The following DACH1 variants were observed in gnomAD, a reference collection of about 807,000 sequenced individuals.
DACH1 encodes the protein dachshund homolog 1.
A neutral mutation model predicts 54.2 loss-of-function variants in DACH1; 12 were observed. The ratio of observed to expected loss-of-function variants is 0.22; its 90% CI spans 0.14 to 0.36. The LOEUF (loss-of-function observed/expected upper bound fraction) is 0.36. Among genes scored for constraint, DACH1 ranks in the 10% least tolerant of loss-of-function variants. The pLI is 1.00. For missense variants in DACH1, 805 were observed against 929.8 expected, an observed-to-expected ratio of 0.87 and a Z score of 1.75; for synonymous variants, 386 against 366.2, an observed-to-expected ratio of 1.05 and a Z score of -0.62.
In DACH1 at chr13:71,533,750, AGT is replaced by A. The variant is rs555741738; in HGVS notation, c.1570+23272_1570+23273del. 5.2e-3 allele frequency among the ~76,000 whole-genome samples: 774 copies of A among 149,734 alleles called. 9 individuals carry two copies. Among genetic ancestry groups the A allele is most frequent in the African/African-American group, 0.019 (748 of 40,028 alleles). The stretch of plus-strand genomic sequence containing the variant: ...CTGTCTCATTCTCTCTCTCTCTCTG[AGT>A]GTGTGTCACACACACAAACACACAC... On this transcript the variant is annotated intron_variant, in intron 6 of 10. Transcript: ENST00000613252.
chr13:71,645,288 G>T (rs977718890), intron 2 of DACH1, among the ~76,000 whole-genome samples: 17 of 152,242 alleles, frequency 1.1e-4, no homozygotes, highest in African/African-American at 3.9e-4. Context: ...AAAAGGTGAA[G>T]AAAAATGCAG....
intron 2 of DACH1, among the ~76,000 whole-genome samples, chr13:71,654,695 A>G (rs1878968509): frequency 6.6e-6 from 1 of 152,086 alleles, no homozygotes; most frequent in Non-Finnish European, 1.5e-5. Flanking sequence ...TAAGCATTAC[A>G]GTTCACAAAC....
At chr13:71,699,592 A>G (rs1198868650) in intron 1 of DACH1, among the ~76,000 whole-genome samples, 2 of 152,190 alleles carry the variant, frequency 1.3e-5, no homozygotes, top group African/African-American at 2.4e-5. Flanking sequence ...GTAGTTTATG[A>G]ACAAAACCTT....
At chr13:71,467,592 T>G (rs1876704807) in intron 10 of DACH1, among the ~76,000 whole-genome samples, 1 of 151,914 alleles carries the variant, frequency 6.6e-6, no homozygotes, top group African/African-American at 2.4e-5. Context: ...TTTATGGGTA[T>G]CGCTAAAACT....
intron 3 of DACH1, among the ~76,000 whole-genome samples, chr13:71,623,062 T>C (rs1876362724): frequency 6.6e-6 from 1 of 151,794 alleles, no homozygotes; most frequent in African/African-American, 2.4e-5. Flanking sequence ...AACTAGTACA[T>C]GTTATAAATC....
chr13:71,619,995 G>A (rs1876101321), intron 3 of DACH1, among the ~76,000 whole-genome samples: 1 of 151,886 alleles, frequency 6.6e-6, no homozygotes, highest in African/African-American at 2.4e-5. Flanking sequence ...GTGCCTGTGT[G>A]TGTTTTTAAA....
chr13:71,796,359 C>T (rs904958007), intron 1 of DACH1, among the ~76,000 whole-genome samples: 1 of 151,850 alleles, frequency 6.6e-6, no homozygotes, highest in Non-Finnish European at 1.5e-5. Context: ...GCAGATAAAC[C>T]TATAGCTATT....
chr13:71,729,833 C>G (rs893486298), intron 1 of DACH1, among the ~76,000 whole-genome samples: 6 of 151,966 alleles, frequency 3.9e-5, no homozygotes, highest in Admixed American at 3.9e-4. Context: ...GCAGAATAAG[C>G]CAAGCCTGAT....
chr13:71,604,050 T>A (rs1874704031), intron 3 of DACH1, among the ~76,000 whole-genome samples: 2 of 151,890 alleles, frequency 1.3e-5, no homozygotes, highest in African/African-American at 4.8e-5. Flanking sequence ...TGGGATACAT[T>A]CACAAAATTT....
At chr13:71,852,364 CTTTT>C (rs71748292) in intron 1 of DACH1, among the ~76,000 whole-genome samples, 11,488 of 145,364 alleles carry the variant, frequency 0.079, 454 homozygotes, top group East Asian at 0.1. Flanking sequence ...TAAAGTGCTG[CTTTT>C]TTTTTTTTTT....
In DACH1 at chr13:71,779,572, A is replaced by G. The variant is rs553126227; in HGVS notation, c.848+86350T>C. Among the ~76,000 whole-genome samples the G allele has an allele frequency of 7.2e-5, 11 of 152,128 alleles. 1 individual carries two copies. Among genetic ancestry groups the G allele is most frequent in the African/African-American group, 2.4e-4 (10 of 41,508 alleles). ...ACTGAGTCATTTAATAAAATGAGTG[A>G]CTTAATGCTTGCAGAGCGCTTTGCA... On this transcript the variant is annotated intron_variant, in intron 1 of 10. Coordinates refer to ENST00000613252, the MANE Select transcript of DACH1 (RefSeq NM_080759.6).
Position 71,476,764 on chromosome 13 carries a change from G to T in DACH1, c.1871-915C>A, listed in dbSNP as rs1877556713. 4.0e-5 allele frequency among the ~76,000 whole-genome samples: 6 copies of T among 151,764 alleles called. No individual in the cohort carries two copies. The South Asian group carries it at 1.2e-3, about 31-fold the overall frequency. On this transcript the variant is annotated intron_variant, in intron 8 of 10. Coordinates refer to ENST00000613252, the MANE Select transcript of DACH1 (RefSeq NM_080759.6). ...ATGTATATCAACTATGTTTTCTGGAGGATAATTGTTTTAACTTTTACTACA... is the reference window on the plus strand; with the variant it reads ...ATGTATATCAACTATGTTTTCTGGATGATAATTGTTTTAACTTTTACTACA...
intron 1 of DACH1, among the ~76,000 whole-genome samples, chr13:71,839,024 G>GT (rs1888911432): frequency 6.6e-6 from 1 of 152,122 alleles, no homozygotes; most frequent in South Asian, 2.1e-4. Flanking sequence ...CACAATAAAG[G>GT]TATTTCTTCG....
At chr13:71,775,267 T>C (rs998133826) in intron 1 of DACH1, among the ~76,000 whole-genome samples, 2 of 149,628 alleles carry the variant, frequency 1.3e-5, no homozygotes, top group African/African-American at 4.9e-5. Context: ...TGCATGCCAC[T>C]GAACTCCAGC....
chr13:71,529,183 G>GTTTTTTTTTGTTTTTTTTTTTTTTTTTT (rs1882223472), intron 6 of DACH1, among the ~76,000 whole-genome samples: 2 of 80,980 alleles, frequency 2.5e-5, no homozygotes, highest in African/African-American at 8.7e-5. Context: ...TGTGATTTGG[G>GTTTTTTTTTGTTTTTTTTTTTTTTTTTT]TTTTTTTTTT....
At chr13:71,445,996 C>T (rs763088708) in intron 10 of DACH1, among the ~76,000 whole-genome samples, 4 of 152,130 alleles carry the variant, frequency 2.6e-5, no homozygotes, top group African/African-American at 4.8e-5. Flanking sequence ...AATATTCTCT[C>T]CTTTCCTGAC....
chr13:71,771,308 A>T (rs1205970216), intron 1 of DACH1, among the ~76,000 whole-genome samples: 1 of 145,172 alleles, frequency 6.9e-6, no homozygotes, highest in Non-Finnish European at 1.5e-5. Context: ...TGCAAAAAGA[A>T]GCAAAAGGAT....
At chr13:71,517,899 T>C (rs1054067727) in intron 6 of DACH1, among the ~76,000 whole-genome samples, 2 of 151,918 alleles carry the variant, frequency 1.3e-5, no homozygotes, top group East Asian at 1.9e-4. Flanking sequence ...CAGTGTAATA[T>C]AATTCATTCT....
chr13:71,731,994 G>A lies in DACH1; in HGVS notation c.849-50084C>T, dbSNP rs1452792095. Among the ~76,000 whole-genome samples the A allele has an allele frequency of 2.0e-5, 3 of 152,130 alleles. No homozygotes were observed. The East Asian group carries it at 5.8e-4, about 29-fold the overall frequency. ...ATAATTTCTGAATGTAAACTGCTAA[G>A]TACACCATTTTGAATCCTTTCAACG... On this transcript the variant is annotated intron_variant, in intron 1 of 10. Transcript: ENST00000613252.
Sources: allele counts gnomAD v4.1 joint callset (sites outside exome capture counted in the v4.1 genomes callset), GRCh38; gene constraint gnomAD v4.1.1; transcripts MANE v1.5; gene names NCBI Gene and HGNC (gene_info 2026-07-23, HGNC 2026-07-21).